Variants in AGPAT3 observed in about 807,000 individuals in gnomAD.
The protein encoded by AGPAT3 is 1-acylglycerol-3-phosphate O-acyltransferase 3.
In AGPAT3, 5 loss-of-function variants were observed where a neutral mutation model predicts 47.3. The ratio of observed to expected loss-of-function variants is 0.11; its 90% confidence interval spans 0.06 to 0.22. The LOEUF (loss-of-function observed/expected upper bound fraction) is 0.22. Among genes scored for constraint, AGPAT3 ranks in the 10% least tolerant of loss-of-function variants. The probability of loss-of-function intolerance (pLI) is 1.00; values close to 1 mark genes in which losing one functional copy is unlikely to be tolerated. For missense variants in AGPAT3, 315 were observed against 493.0 expected, an observed-to-expected ratio of 0.64 and a Z score of 3.42; for synonymous variants, 212 against 208.3, an observed-to-expected ratio of 1.02 and a Z score of -0.15.
chr21:43,923,734 A>G (rs1209402539), intron 2 of AGPAT3, among the ~76,000 whole-genome samples: 2 of 152,312 alleles, frequency 1.3e-5, no homozygotes, highest in East Asian at 1.9e-4. Flanking sequence ...CCAGGGGGAA[A>G]GGGGTACAGA....
At position 43,955,726 on chromosome 21, in the gene AGPAT3, C is replaced by T. The variant is rs1220693475; in HGVS notation, c.-48-3908C>T. Among the ~76,000 whole-genome samples, 3 of 151,818 alleles carry T rather than the reference C, an allele frequency of 2.0e-5. No individual in the cohort carries two copies. The highest frequency in any genetic ancestry group is 4.8e-5 in the African/African-American group (2 of 41,370). The stretch of plus-strand genomic sequence containing the variant: ...ATCGAGGCCAGCCTGGCCAACATGG[C>T]GAAACCCCATCTCTACTAAACATAC... On this transcript the variant is annotated intron_variant, in intron 2 of 9. Transcript: ENST00000291572. This position sits in a 1 kb window ranked among gnomAD's most constrained non-coding sequence, Gnocchi z 4.1.
rs2030321661 is a variant in AGPAT3 at position 43,986,580 on chromosome 21, C to T, written c.*4188C>T. ...TTGTATTTATTGTCTCAGAATTGTA[C>T]GTTGTGACAATCAAATGTTACTTGC... On this transcript the variant is annotated 3_prime_UTR_variant, in exon 10 of 10. Transcript: ENST00000291572. 2 of 152,612 alleles carry T rather than the reference C, an allele frequency of 1.3e-5. No individual in the cohort carries two copies. Among genetic ancestry groups the T allele is most frequent in the Non-Finnish European group, 2.9e-5 (2 of 68,042 alleles). The allele number at this position is 152,612 out of a possible 1,614,324, so 9.5% of individuals were successfully genotyped here. A position where few individuals can be genotyped will look rare whatever the true frequency, so the allele number is the denominator to read the frequency against.
chr21:43,900,514 G>T (rs1182446232), intron 1 of AGPAT3, among the ~76,000 whole-genome samples: 1 of 152,182 alleles, frequency 6.6e-6, no homozygotes, highest in Non-Finnish European at 1.5e-5. Context: ...ACCTGGTGGA[G>T]ACAGAGTGTG....
chr21:43,948,544 T>A (rs1601393255), intron 2 of AGPAT3, among the ~76,000 whole-genome samples: 1 of 152,170 alleles, frequency 6.6e-6, no homozygotes, highest in African/African-American at 2.4e-5. Flanking sequence ...AGCAGGAGGT[T>A]CTGTTACCAG....
chr21:43,980,147 G>C (rs962117942), intron 8 of AGPAT3, among the ~76,000 whole-genome samples: 5 of 151,796 alleles, frequency 3.3e-5, no homozygotes, highest in African/African-American at 9.7e-5. Context: ...GCAGTAGTGG[G>C]CACCTGTAAT....
intron 3 of AGPAT3, 96 bp from the exon 4 acceptor site, chr21:43,967,850 C>G (rs755344084): frequency 7.7e-7 from 1 of 1,306,862 alleles, no homozygotes; most frequent in African/African-American, 1.5e-5. Flanking sequence ...GACTTCCTCT[C>G]TGGACAAAAA....
Position 43,873,198 on chromosome 21 carries a change from C to T in AGPAT3, c.-112+7853C>T, listed in dbSNP as rs556777378. On this transcript the variant is annotated intron_variant, in intron 1 of 9. Coordinates refer to ENST00000291572, the MANE Select transcript of AGPAT3 (RefSeq NM_020132.5). Reference sequence around the variant, plus strand: ...TGGCATGGGTGTTGGAGTCAGACCCCGGGAGCTCTCTCAATGCCTGTCTCC... The same window carrying T: ...TGGCATGGGTGTTGGAGTCAGACCCTGGGAGCTCTCTCAATGCCTGTCTCC... Among the ~76,000 whole-genome samples, 16 of 152,228 alleles carry T rather than the reference C, an allele frequency of 1.1e-4. No homozygotes were observed. In the South Asian group the frequency reaches 2.3e-3, roughly 22 times the overall value.
chr21:43,911,745 C>T (rs1049608253), intron 2 of AGPAT3, among the ~76,000 whole-genome samples: 1 of 152,222 alleles, frequency 6.6e-6, no homozygotes, highest in Non-Finnish European at 1.5e-5. Context: ...CACATTTCTG[C>T]GTGTTTTATT....
intron 2 of AGPAT3, among the ~76,000 whole-genome samples, chr21:43,926,549 G>A (rs531511078): frequency 8.6e-4 from 131 of 151,788 alleles, no homozygotes; most frequent in African/African-American, 2.9e-3. Context: ...CAGCCCCCAC[G>A]GCGCGTTCCT....
intron 2 of AGPAT3, among the ~76,000 whole-genome samples, chr21:43,921,069 G>C (rs924333761): frequency 1.1e-4 from 16 of 152,080 alleles, no homozygotes; most frequent in Non-Finnish European, 1.6e-4. Context: ...GCCGAGATCG[G>C]GCCACTGCAT....
intron 2 of AGPAT3, among the ~76,000 whole-genome samples, chr21:43,909,292 A>ATTT (rs11365476): frequency 9.8e-6 from 1 of 102,302 alleles, no homozygotes; most frequent in Non-Finnish European, 2.0e-5. Context: ...TTTCATACAC[A>ATTT]TTTTTTTTTT....
intron 2 of AGPAT3, among the ~76,000 whole-genome samples, chr21:43,917,448 C>G (rs774641640): frequency 6.6e-6 from 1 of 152,246 alleles, no homozygotes; most frequent in African/African-American, 2.4e-5. Context: ...TGTGTGTCCT[C>G]TCTGCCTTTA....
intron 2 of AGPAT3, among the ~76,000 whole-genome samples, chr21:43,944,376 G>A (rs2087789792): frequency 6.6e-6 from 1 of 152,262 alleles, no homozygotes; most frequent in African/African-American, 2.4e-5. Context: ...AGCAGAGAGA[G>A]AGAGGGAAGG....
In AGPAT3 at chr21:43,922,439, A is replaced by C. The variant is rs901384879; in HGVS notation, c.-49+18420A>C. ...CTGGCTTGTGACCCTCCTTAACCCC[A>C]CCCTCAAGGCAGGCAGCGAGTGGAG... On this transcript the variant is annotated intron_variant, in intron 2 of 9. Coordinates refer to ENST00000291572, the MANE Select transcript of AGPAT3 (RefSeq NM_020132.5). This position sits in a 1 kb window ranked among gnomAD's most constrained non-coding sequence, Gnocchi z 4.9. Among the ~76,000 whole-genome samples, 5 of 151,882 alleles carry C rather than the reference A, an allele frequency of 3.3e-5. No homozygotes were observed. The highest frequency in any genetic ancestry group is 7.4e-5 in the Non-Finnish European group (5 of 67,956).
chr21:43,961,435 CT>C (rs2088832799), intron 3 of AGPAT3, among the ~76,000 whole-genome samples: 1 of 150,326 alleles, frequency 6.7e-6, no homozygotes. Context: ...CGCATAGACA[CT>C]TTGTCTCATG....
At chr21:43,946,308 A>C (rs574573836) in intron 2 of AGPAT3, among the ~76,000 whole-genome samples, 2 of 152,326 alleles carry the variant, frequency 1.3e-5, no homozygotes, top group Non-Finnish European at 2.9e-5. Flanking sequence ...ATATAATGAA[A>C]AGTGCATGAG....
rs147620572 is a variant in AGPAT3, at chr21:43,925,973, C to T, written c.-49+21954C>T. Among the ~76,000 whole-genome samples the T allele has an allele frequency of 4.6e-3, 694 of 152,358 alleles. 3 individuals carry two copies. The highest frequency in any genetic ancestry group is 8.3e-3 in the Non-Finnish European group (562 of 68,038). On this transcript the variant is annotated intron_variant, in intron 2 of 9. Transcript: ENST00000291572. ...TGCCCAGGAGAAGCGGCGAGGCCCA[C>T]GTGTGAGGCCCTGAGAGCTGGAAAT...
chr21:43,912,040 A>G (rs2086642050), intron 2 of AGPAT3, among the ~76,000 whole-genome samples: 1 of 152,194 alleles, frequency 6.6e-6, no homozygotes, highest in South Asian at 2.1e-4. Context: ...AACTCCACGG[A>G]CTCATGGGCA....
Position 43,955,375 on chromosome 21 carries a change from A to G in AGPAT3, c.-48-4259A>G, listed in dbSNP as rs181647416. On this transcript the variant is annotated intron_variant, in intron 2 of 9. Transcript: ENST00000291572. The surrounding 1 kb of genome is among the most constrained non-coding windows in gnomAD (Gnocchi z 4.1). ...TTAGCTTGTCAACACCCATAACGCT[A>G]TGCACGGACACTCGGCAAACCCATC... is the stretch of plus-strand genomic sequence containing the variant. The G allele has an allele frequency of 2.8e-4, 98 of 352,226 alleles. No individual in the cohort carries two copies. The highest frequency in any genetic ancestry group is 1.9e-3 in the African/African-American group (85 of 45,442). The allele number at this position is 352,226 out of a possible 1,614,324, so 21.8% of individuals were successfully genotyped here.
Sources: allele counts gnomAD v4.1 joint callset (sites outside exome capture counted in the v4.1 genomes callset), GRCh38; gene constraint gnomAD v4.1.1; non-coding constraint Gnocchi (gnomAD v3.1); transcripts MANE v1.5; gene names NCBI Gene and HGNC (gene_info 2026-07-23, HGNC 2026-07-21).